CSPG5: variants seen among roughly 807,000 people sequenced by gnomAD.
CSPG5 encodes chondroitin sulfate proteoglycan 5.
In CSPG5, 25 loss-of-function variants were observed where a neutral mutation model predicts 39.8. The observed-to-expected ratio is 0.63, with a 90% CI of 0.46 to 0.88. The LOEUF is 0.88. CSPG5 is among the 40% of genes least tolerant of loss of function. The pLI is 0.00. For synonymous variants in CSPG5, 295 were observed against 303.9 expected, an observed-to-expected ratio of 0.97 and a Z score of 0.31; for missense variants, 627 against 702.2, an observed-to-expected ratio of 0.89 and a Z score of 1.21.
chr3:47,577,745 G>A lies in CSPG5; in HGVS notation c.281C>T (p.Ala94Val), dbSNP rs1040578256. ...TTCCAGCCAGGCGGTGCCGGTCACC[G>A]CAGCCGACTCCTGCAGCACCTCTTC... ...GPEEVLQESA[A>V]VTGTAWLEAD... The change falls in exon 2 of 5, where the codon GCG becomes GTG. Residue 94 changes from alanine (A) to valine (V), a missense_variant. Physicochemically the swap from Ala to Val is moderately conservative, Grantham distance 64. Transcript: ENST00000264723. This position sits in a 1 kb window ranked among gnomAD's most constrained non-coding sequence, Gnocchi z 4.7. 1.9e-6 allele frequency: 3 copies of A among 1,583,280 alleles called. No homozygotes were observed. Among genetic ancestry groups the A allele is most frequent in the Admixed American group, 1.8e-5 (1 of 57,036 alleles).
At chr3:47,575,929 CTTTTTTTTTTT>C (rs370578310) in intron 2 of CSPG5, among the ~76,000 whole-genome samples, 9 of 99,626 alleles carry the variant, frequency 9.0e-5, no homozygotes, top group South Asian at 3.7e-4. Flanking sequence ...TTCATTTTGC[CTTTTTTTTTTT>C]TTTTTTTTTT....
In CSPG5 at chr3:47,576,938, A is replaced by T; in HGVS notation, c.1088T>A (p.Phe363Tyr). ...SENGTECRSG[F>Y]VRHNGSCRSV... is the part of the protein sequence containing the mutation. ...CCGGCAGGAGCCGTTATGCCGCACAAAGCCACTGCGGCACTCAGTGCCATT... is the reference window on the plus strand; with the variant it reads ...CCGGCAGGAGCCGTTATGCCGCACATAGCCACTGCGGCACTCAGTGCCATT... Residue 363 changes from phenylalanine to tyrosine, a missense_variant, in exon 2 of 5, where the codon TTT (phenylalanine) becomes TAT (tyrosine). Phe to Tyr is a conservative substitution (Grantham distance 22). Transcript: ENST00000264723. 6.2e-7 allele frequency: 1 copy of T among 1,613,490 alleles called. No homozygotes were observed. Among genetic ancestry groups the T allele is most frequent in the Non-Finnish European group, 8.5e-7 (1 of 1,179,616 alleles).
At chr3:47,576,386 T>C (rs930471084) in intron 2 of CSPG5, among the ~76,000 whole-genome samples, 41 of 152,076 alleles carry the variant, frequency 2.7e-4, no homozygotes, top group African/African-American at 9.7e-4. Context: ...GAGTGAACAT[T>C]TCTCCACCTG....
At position 47,577,551 on chromosome 3, in the gene CSPG5, C is replaced by T; in HGVS notation, c.475G>A (p.Asp159Asn). The T allele has an allele frequency of 6.2e-7, 1 of 1,609,080 alleles. No homozygotes were observed. The highest frequency in any genetic ancestry group is 8.5e-7 in the Non-Finnish European group (1 of 1,178,242). Residue 159 changes from aspartate (D) to asparagine (N), a missense_variant, in exon 2 of 5, where the codon GAC becomes AAC. Physicochemically the swap from Asp to Asn is conservative, Grantham distance 23 (BLOSUM62 1). Coordinates refer to ENST00000264723, the MANE Select transcript of CSPG5 (RefSeq NM_006574.4). This position sits in a 1 kb window ranked among gnomAD's most constrained non-coding sequence, Gnocchi z 4.7. ...AGTTCAGAAGCTGGGCTCAGCTTGT[C>T]GCCGGGGGTGGGGGAGGGTGGCCCG... Reference protein sequence around the residue: ...ASGPPSPTPGDKLSPASELPK... With the variant: ...ASGPPSPTPGNKLSPASELPK...
At position 47,562,531 on chromosome 3, in the gene CSPG5, CA is replaced by C; in HGVS notation, c.*68del. On this transcript the variant is annotated 3_prime_UTR_variant, in exon 5 of 5. Transcript: ENST00000264723. Reference sequence around the variant, plus strand: ...ATGGTTACAAGAAATAGACTCTGTACAAGAGGAGATAATGTTTCTTCCCCTA... The same window carrying C: ...ATGGTTACAAGAAATAGACTCTGTACAGAGGAGATAATGTTTCTTCCCCTA... 1 of 1,419,076 alleles carries C rather than the reference CA, an allele frequency of 7.0e-7. No individual in the cohort carries two copies. The highest frequency in any genetic ancestry group is 9.8e-7 in the Non-Finnish European group (1 of 1,020,406). 87.9% of individuals were successfully genotyped at this position (1,419,076 alleles called of 1,614,324 possible).
At chr3:47,566,823 A>G (rs1576368669) in intron 4 of CSPG5, among the ~76,000 whole-genome samples, 3 of 152,134 alleles carry the variant, frequency 2.0e-5, no homozygotes, top group African/African-American at 7.2e-5. Context: ...ACTATGGCCG[A>G]CCAGCCTCAC....
chr3:47,567,040 A>C (rs1045660026), intron 4 of CSPG5, among the ~76,000 whole-genome samples: 1 of 152,222 alleles, frequency 6.6e-6, no homozygotes, highest in Non-Finnish European at 1.5e-5. Flanking sequence ...CAAGAACAAG[A>C]AACCTTCGCA....
At chr3:47,573,969 A>C (rs894042586) in intron 2 of CSPG5, among the ~76,000 whole-genome samples, 2 of 152,214 alleles carry the variant, frequency 1.3e-5, no homozygotes, top group African/African-American at 4.8e-5. Context: ...TGACAGAGAC[A>C]AAGGCACACT....
chr3:47,569,781 T>C (rs1198420433), intron 3 of CSPG5, among the ~76,000 whole-genome samples: 1 of 149,672 alleles, frequency 6.7e-6, no homozygotes, highest in African/African-American at 2.5e-5. Context: ...AGGGTCTCAC[T>C]CTGTTGCCCA....
Position 47,577,686 on chromosome 3 carries a change from C to T in CSPG5, c.340G>A (p.Glu114Lys). ...DSPGLGGVTA[E>K]AGSGDAQALP... ...GCCTGGGCATCGCCGCTGCCCGCCT[C>T]TGCGGTCACTCCTCCCAGGCCTGGG... Residue 114 changes from glutamate to lysine, a missense_variant, in exon 2 of 5, where the codon GAG (glutamate) becomes AAG (lysine). Physicochemically the swap from Glu to Lys is moderately conservative, Grantham distance 56. Coordinates refer to ENST00000264723, the MANE Select transcript of CSPG5 (RefSeq NM_006574.4). This position sits in a 1 kb window ranked among gnomAD's most constrained non-coding sequence, Gnocchi z 4.7. 1 of 1,593,312 alleles carries T rather than the reference C, an allele frequency of 6.3e-7. No homozygotes were observed.
At chr3:47,575,830 T>C (rs906528637) in intron 2 of CSPG5, among the ~76,000 whole-genome samples, 2 of 152,020 alleles carry the variant, frequency 1.3e-5, no homozygotes, top group African/African-American at 2.4e-5. Context: ...AGTAGGTTTA[T>C]GGGCCTACCC....
intron 2 of CSPG5, among the ~76,000 whole-genome samples, chr3:47,575,723 T>C (rs578152699): frequency 3.4e-4 from 52 of 152,240 alleles, no homozygotes; most frequent in African/African-American, 1.2e-3. Flanking sequence ...TCCTCCCTTT[T>C]GAGTTTGCGT....
In CSPG5 at chr3:47,578,559, A is replaced by C; in HGVS notation, c.97+38T>G. On this transcript the variant is annotated intron_variant, in intron 1 of 4. Coordinates refer to ENST00000264723, the MANE Select transcript of CSPG5 (RefSeq NM_006574.4). The surrounding 1 kb of genome is among the most constrained non-coding windows in gnomAD (Gnocchi z 6.0). ...GCGGGACCCCTGCCCTGGGTGGGGC[A>C]CGAGGGCCGCGGGGGTCCCGGGCGC... is the stretch of plus-strand genomic sequence containing the variant. 1.3e-6 allele frequency: 1 copy of C among 780,036 alleles called. No individual in the cohort carries two copies. Among genetic ancestry groups the C allele is most frequent in the Non-Finnish European group, 1.7e-6 (1 of 600,198 alleles). 48.3% of individuals were successfully genotyped at this position (780,036 alleles called of 1,614,324 possible).
At chr3:47,567,188 G>T (rs1007947530) in intron 4 of CSPG5, among the ~76,000 whole-genome samples, 5 of 152,178 alleles carry the variant, frequency 3.3e-5, no homozygotes, top group African/African-American at 4.8e-5. Context: ...GTCAAGCAGA[G>T]TGGGAGGACT....
intron 4 of CSPG5, among the ~76,000 whole-genome samples, chr3:47,566,822 G>A (rs1033751971): frequency 6.6e-6 from 1 of 152,134 alleles, no homozygotes; most frequent in Non-Finnish European, 1.5e-5. Flanking sequence ...CACTATGGCC[G>A]ACCAGCCTCA....
intron 4 of CSPG5, among the ~76,000 whole-genome samples, chr3:47,565,565 G>T (rs2031262232): frequency 6.6e-6 from 1 of 152,154 alleles, no homozygotes; most frequent in Admixed American, 6.5e-5. Flanking sequence ...CAACCCAGGG[G>T]TCATGTGGGT....
chr3:47,574,323 G>C (rs200977043), intron 2 of CSPG5, among the ~76,000 whole-genome samples: 2 of 152,112 alleles, frequency 1.3e-5, no homozygotes, highest in African/African-American at 4.8e-5. Context: ...ATACTATTAT[G>C]GGGAGTTCAC....
At chr3:47,579,281 C>G (rs2031908919), upstream of CSPG5, 1 of 152,358 alleles carries the variant, frequency 6.6e-6, no homozygotes, top group African/African-American at 2.4e-5. The surrounding 1 kb of genome is among the most constrained non-coding windows in gnomAD (Gnocchi z 4.2). Context: ...GAAGCACGAG[C>G]CCCCACTGTG....
rs1576374545 is a variant in CSPG5 at position 47,577,264 on chromosome 3, G to A, written c.762C>T (p.Tyr254=). The A allele has an allele frequency of 6.2e-7, 1 of 1,612,468 alleles. No individual in the cohort carries two copies. The highest frequency in any genetic ancestry group is 2.2e-5 in the East Asian group (1 of 44,818). The change falls in exon 2 of 5, where the codon TAC becomes TAT. Residue 254 remains tyrosine, a synonymous_variant. Coordinates refer to ENST00000264723, the MANE Select transcript of CSPG5 (RefSeq NM_006574.4). The surrounding 1 kb of genome is among the most constrained non-coding windows in gnomAD (Gnocchi z 4.7). ...ETPSWSLLDL[Y]DDFTPFDESD... ...ATTCATCGAAGGGGGTGAAATCATC[G>A]TATAAGTCAAGCAGGCTCCAGGAAG...
Sources: gnomAD v4.1 joint callset for allele counts (sites outside exome capture counted in the v4.1 genomes callset) on GRCh38, gnomAD v4.1.1 for gene constraint, Gnocchi (gnomAD v3.1) non-coding constraint, MANE v1.5 for transcripts, NCBI Gene and HGNC (gene_info 2026-07-23, HGNC 2026-07-21) for gene names.